DPP10: variants seen among roughly 807,000 people sequenced by gnomAD.
DPP10 encodes the protein dipeptidyl peptidase like 10, also known as inactive dipeptidyl peptidase 10.
Under a neutral mutation model 120.9 loss-of-function variants are expected in DPP10, and 33 were observed. The observed-to-expected ratio is 0.27, with a 90% CI of 0.21 to 0.37. The LOEUF is 0.37. DPP10 is among the 10% of genes least tolerant of loss of function. The probability of loss-of-function intolerance (pLI) is 1.00; values close to 1 mark genes in which losing one functional copy is unlikely to be tolerated. For missense variants in DPP10, 816 were observed against 942.8 expected, an observed-to-expected ratio of 0.87 and a Z score of 1.76; for synonymous variants, 337 against 326.1, an observed-to-expected ratio of 1.03 and a Z score of -0.36.
At chr2:115,129,966 T>C (rs1228632049) in intron 1 of DPP10, among the ~76,000 whole-genome samples, 1 of 152,218 alleles carries the variant, frequency 6.6e-6, no homozygotes, top group South Asian at 2.1e-4. Context: ...CTTAACTTCT[T>C]CTGTTCTCCT....
chr2:115,531,251 C>T (rs1367516959), intron 5 of DPP10, among the ~76,000 whole-genome samples: 1 of 151,728 alleles, frequency 6.6e-6, no homozygotes, highest in Admixed American at 6.6e-5. Flanking sequence ...TTCTGTTGTC[C>T]CATTGAGACA....
intron 1 of DPP10, among the ~76,000 whole-genome samples, chr2:114,644,711 T>C (rs1252329081): frequency 6.6e-6 from 1 of 151,938 alleles, no homozygotes; most frequent in Non-Finnish European, 1.5e-5. Flanking sequence ...CAAAATTGCC[T>C]GTCTTCTGTA....
At chr2:115,380,646 C>T (rs1245207074) in intron 3 of DPP10, among the ~76,000 whole-genome samples, 2 of 151,960 alleles carry the variant, frequency 1.3e-5, no homozygotes, top group Non-Finnish European at 2.9e-5. Context: ...TCTTCCTAGT[C>T]TCGATGGTCT....
intron 1 of DPP10, among the ~76,000 whole-genome samples, chr2:114,932,921 G>A (rs1037183377): frequency 5.9e-5 from 9 of 152,194 alleles, no homozygotes; most frequent in Non-Finnish European, 1.2e-4. Context: ...CCTAACCCGG[G>A]GCAATCATTT....
intron 25 of DPP10, among the ~76,000 whole-genome samples, 155 bp downstream of exon 25, chr2:115,840,978 C>T (rs373134071): frequency 5.7e-4 from 86 of 151,150 alleles, no homozygotes; most frequent in African/African-American, 2.0e-3. Context: ...CTGATTACAC[C>T]GAGAATGTGG....
Position 115,780,967 on chromosome 2 carries a change from G to T in DPP10, c.1455G>T (p.Met485Ile). 1.3e-6 allele frequency: 2 copies of T among 1,591,772 alleles called. No homozygotes were observed. Among genetic ancestry groups the T allele is most frequent in the Non-Finnish European group, 1.7e-6 (2 of 1,164,382 alleles). Residue 485 changes from methionine (M) to isoleucine (I), a missense_variant, in exon 16 of 26, where the codon ATG (methionine) becomes ATT (isoleucine). Physicochemically the swap from Met to Ile is conservative, Grantham distance 10. Coordinates refer to ENST00000410059, the MANE Select transcript of DPP10 (RefSeq NM_020868.6). ...CTYFDASFSP[M>I]NQHFLLFCEG... ...ATTTTGATGCCAGTTTTAGTCCCATGAATCAACATTTCTTATTATTCTGTG... is the reference window on the plus strand; with the variant it reads ...ATTTTGATGCCAGTTTTAGTCCCATTAATCAACATTTCTTATTATTCTGTG...
intron 1 of DPP10, among the ~76,000 whole-genome samples, chr2:114,780,756 G>A (rs1050517237): frequency 6.6e-6 from 1 of 151,952 alleles, no homozygotes; most frequent in African/African-American, 2.4e-5. Flanking sequence ...TTATTGACAT[G>A]AGTAGAATAT....
chr2:115,287,241 G>C (rs1384890117), intron 1 of DPP10, among the ~76,000 whole-genome samples: 2 of 151,984 alleles, frequency 1.3e-5, no homozygotes, highest in African/African-American at 4.8e-5. Flanking sequence ...TAATAGTCGA[G>C]TCATTTGAGA....
At chr2:115,448,054 G>C (rs546469395) in intron 3 of DPP10, among the ~76,000 whole-genome samples, 1 of 152,158 alleles carries the variant, frequency 6.6e-6, no homozygotes, top group Non-Finnish European at 1.5e-5. Context: ...GTTTAAGTTC[G>C]ACAGAAGGAG....
At chr2:115,796,060 G>C (rs554070903) in intron 19 of DPP10, among the ~76,000 whole-genome samples, 1 of 151,874 alleles carries the variant, frequency 6.6e-6, no homozygotes, top group Admixed American at 6.6e-5. Context: ...CTCACACTAC[G>C]TAACAGTCTT....
chr2:114,551,298 T>C (rs536281420), intron 1 of DPP10, among the ~76,000 whole-genome samples: 11 of 152,324 alleles, frequency 7.2e-5, no homozygotes, highest in Admixed American at 5.9e-4. Context: ...GTCCCCATCA[T>C]GCCCGCTGCC....
intron 1 of DPP10, chr2:115,144,158 G>A (rs1418672729): frequency 6.6e-6 from 1 of 152,146 alleles, no homozygotes; most frequent in African/African-American, 2.4e-5. Flanking sequence ...ATCACTGTAT[G>A]ATCCCCATGC....
chr2:114,769,218 C>T (rs2106141569), intron 1 of DPP10, among the ~76,000 whole-genome samples: 1 of 152,212 alleles, frequency 6.6e-6, no homozygotes, highest in Admixed American at 6.5e-5. Context: ...GAATACTTGG[C>T]TTGGATTAGT....
Position 115,814,714 on chromosome 2 carries a change from A to G in DPP10, c.1701-79A>G, listed in dbSNP as rs1169089446. The G allele has an allele frequency of 1.3e-5, 16 of 1,199,798 alleles. No homozygotes were observed. In the East Asian group the frequency reaches 3.7e-4, roughly 28 times the overall value. The allele number at this position is 1,199,798 out of a possible 1,614,324, so 74.3% of individuals were successfully genotyped here. On this transcript the variant is annotated intron_variant, in intron 19 of 25. Transcript: ENST00000410059. Reference sequence around the variant, plus strand: ...CCAGCACAGTTCTTTCCCATTACTTAACTTGTGAGTATGAAAGGTAAAATT... The same window carrying G: ...CCAGCACAGTTCTTTCCCATTACTTGACTTGTGAGTATGAAAGGTAAAATT...
intron 1 of DPP10, among the ~76,000 whole-genome samples, chr2:114,532,875 G>T (rs183354334): frequency 6.6e-6 from 1 of 152,238 alleles, no homozygotes; most frequent in African/African-American, 2.4e-5. Context: ...CCATGTACTG[G>T]ATATCCAGCA....
rs181225289 is a variant in DPP10, at chr2:114,515,834, C to T, written c.60+72996C>T. 1.1e-4 allele frequency among the ~76,000 whole-genome samples: 17 copies of T among 151,200 alleles called. No homozygotes were observed. In the East Asian group the frequency reaches 2.9e-3, roughly 26 times the overall value. ...TTTTTTTTTTTCTAGAATTATTCTA[C>T]TCCCTGGGTCAGTCCCCAAGATGTT... On this transcript the variant is annotated intron_variant, in intron 1 of 25. Coordinates refer to ENST00000410059, the MANE Select transcript of DPP10 (RefSeq NM_020868.6).
At chr2:115,605,608 G>T (rs1289557945) in intron 5 of DPP10, among the ~76,000 whole-genome samples, 1 of 152,028 alleles carries the variant, frequency 6.6e-6, no homozygotes, top group African/African-American at 2.4e-5. Flanking sequence ...AAAAGGGAGA[G>T]AAAGCCAACA....
At chr2:115,134,615 C>G (rs533280020) in intron 1 of DPP10, among the ~76,000 whole-genome samples, 8 of 152,026 alleles carry the variant, frequency 5.3e-5, no homozygotes, top group African/African-American at 1.9e-4. Flanking sequence ...TCCAATAGCT[C>G]AAAGTATGAA....
At chr2:115,443,782 T>G (rs843408) in intron 3 of DPP10, among the ~76,000 whole-genome samples, 86,887 of 151,956 alleles carry the variant, frequency 0.57, 27,999 homozygotes, top group African/African-American at 0.88. Flanking sequence ...TGGTGCTCAT[T>G]GCTCAAGATT....
Sources: allele counts gnomAD v4.1 joint callset (sites outside exome capture counted in the v4.1 genomes callset), GRCh38; gene constraint gnomAD v4.1.1; transcripts MANE v1.5; gene names NCBI Gene and HGNC (gene_info 2026-07-23, HGNC 2026-07-21).